The following NELL2 variants were observed in gnomAD, a reference collection of about 807,000 sequenced individuals.
NELL2 encodes neural EGFL like 2.
A neutral mutation model predicts 109.6 loss-of-function variants in NELL2; 41 were observed. The observed-to-expected ratio is 0.37, with a 90% CI of 0.29 to 0.49. NELL2 has a LOEUF of 0.49. Ranked by LOEUF, NELL2 falls within the 20% of genes least tolerant of loss-of-function variation. The pLI, the probability that NELL2 is intolerant of heterozygous loss-of-function variation, is 0.98. For synonymous variants in NELL2, 355 were observed against 344.7 expected (o/e 1.03, Z -0.33); for missense variants, 900 against 1,008.3 (o/e 0.89, Z 1.45).
chr12:44,577,034 GATTT>G (rs1944117144), intron 15 of NELL2, among the ~76,000 whole-genome samples: 1 of 137,704 alleles, frequency 7.3e-6, no homozygotes, highest in African/African-American at 2.9e-5. Flanking sequence ...ATAGCAGCAT[GATTT>G]ATAGTCCTTT....
At chr12:44,587,284 A>AAAAAAAAAAAAT in intron 15 of NELL2, among the ~76,000 whole-genome samples, 9 of 72,206 alleles carry the variant, frequency 1.2e-4, no homozygotes, top group African/African-American at 4.1e-4. Flanking sequence ...AAAAAAAAAA[A>AAAAAAAAAAAAT]ATATATATAT....
chr12:44,753,632 G>T (rs965289049), intron 9 of NELL2, among the ~76,000 whole-genome samples: 2 of 152,036 alleles, frequency 1.3e-5, no homozygotes, highest in Admixed American at 6.6e-5. Context: ...TTGTTTCAGG[G>T]AATAATAATC....
At chr12:44,614,995 GA>G (rs1417543274) in intron 13 of NELL2, among the ~76,000 whole-genome samples, 5 of 151,990 alleles carry the variant, frequency 3.3e-5, no homozygotes, top group African/African-American at 9.7e-5. Flanking sequence ...TTTAGTTTTG[GA>G]ATATTTGGGG....
At chr12:44,777,149 G>A (rs751257999) in intron 6 of NELL2, 25 bp from the exon 7 acceptor site, 3 of 1,612,912 alleles carry the variant, frequency 1.9e-6, no homozygotes, top group Non-Finnish European at 8.5e-7. Context: ...ACTACATTTG[G>A]TCAAGATGCA....
At chr12:44,624,396 T>C (rs1157242419) in intron 13 of NELL2, among the ~76,000 whole-genome samples, 2 of 152,142 alleles carry the variant, frequency 1.3e-5, no homozygotes, top group African/African-American at 4.8e-5. Context: ...CAATCAGCAA[T>C]GTCCTGCTCT....
intron 2 of NELL2, among the ~76,000 whole-genome samples, chr12:44,832,709 C>A (rs529102565): frequency 1.3e-5 from 2 of 152,288 alleles, no homozygotes; most frequent in African/African-American, 4.8e-5. Context: ...AGATAACAAC[C>A]ACAATGAACA....
chr12:44,800,798 T>C (rs1461555421), intron 3 of NELL2, among the ~76,000 whole-genome samples: 2 of 152,064 alleles, frequency 1.3e-5, no homozygotes, highest in African/African-American at 4.8e-5. Context: ...TGGGCAGCAA[T>C]AAAGGAAAAG....
chr12:44,592,580 G>A (rs1369035145), intron 15 of NELL2, among the ~76,000 whole-genome samples: 2 of 152,140 alleles, frequency 1.3e-5, no homozygotes, highest in Non-Finnish European at 1.5e-5. Flanking sequence ...AGGATAAAAA[G>A]AGAAACAGTC....
chr12:44,688,662 T>A (rs2136390546), intron 12 of NELL2, among the ~76,000 whole-genome samples: 1 of 152,340 alleles, frequency 6.6e-6, no homozygotes, highest in East Asian at 1.9e-4. Flanking sequence ...TGCGCTTGTT[T>A]GTCACAGATA....
intron 2 of NELL2, among the ~76,000 whole-genome samples, chr12:44,856,410 T>C (rs1279791158): frequency 6.6e-6 from 1 of 152,232 alleles, no homozygotes; most frequent in Non-Finnish European, 1.5e-5. Context: ...AAATAATAAG[T>C]GTTAGGGAAA....
At chr12:44,687,233 C>T (rs2084846) in intron 12 of NELL2, among the ~76,000 whole-genome samples, 8,989 of 151,110 alleles carry the variant, frequency 0.059, 883 homozygotes, top group African/African-American at 0.2. Context: ...TTGCGCTTCC[C>T]GAGTGAGGCA....
intron 15 of NELL2, among the ~76,000 whole-genome samples, chr12:44,589,411 T>C (rs12822940): frequency 0.16 from 24,757 of 150,536 alleles, 2,416 homozygotes; most frequent in East Asian, 0.27. Flanking sequence ...TTTATTTATT[T>C]GAGATGGAGT....
At chr12:44,557,611 G>A (rs1372000273) in intron 15 of NELL2, among the ~76,000 whole-genome samples, 3 of 152,184 alleles carry the variant, frequency 2.0e-5, no homozygotes, top group African/African-American at 7.2e-5. Context: ...GATCACTTTA[G>A]ACTACGTTGA....
At chr12:44,548,310 T>C (rs929015328) in intron 15 of NELL2, among the ~76,000 whole-genome samples, 1 of 151,972 alleles carries the variant, frequency 6.6e-6, no homozygotes, top group Non-Finnish European at 1.5e-5. Flanking sequence ...GTCTTTAAAA[T>C]TTTGGCCCAC....
At chr12:44,895,258 C>T (rs1477617871) in intron 1 of NELL2, among the ~76,000 whole-genome samples, 1 of 151,998 alleles carries the variant, frequency 6.6e-6, no homozygotes. Context: ...CAGCTCTGGT[C>T]AAATGATTAT....
intron 13 of NELL2, among the ~76,000 whole-genome samples, chr12:44,660,515 C>T (rs776083857): frequency 7.9e-5 from 12 of 152,166 alleles, no homozygotes; most frequent in Admixed American, 1.3e-4. Context: ...CAGTAGTAAC[C>T]GCTTCCCACA....
chr12:44,631,537 G>A (rs1163466496), intron 13 of NELL2, among the ~76,000 whole-genome samples: 3 of 152,008 alleles, frequency 2.0e-5, no homozygotes, highest in Non-Finnish European at 4.4e-5. Flanking sequence ...CTACTAGGGT[G>A]GGGACAGAAG....
Position 44,888,201 on chromosome 12 carries a change from G to C in NELL2, c.39-12301C>G, listed in dbSNP as rs114290357. The stretch of plus-strand genomic sequence containing the variant: ...CTTTGTTCCATTGGTCTATGTATCT[G>C]TTTTTATGCCAGTATCATGCTGATT... On this transcript the variant is annotated intron_variant, in intron 1 of 20. Transcript: ENST00000333837. Among the ~76,000 whole-genome samples the C allele has an allele frequency of 4.9e-3, 739 of 152,086 alleles. 18 individuals are homozygous for C. The highest frequency in any genetic ancestry group is 0.017 in the African/African-American group (689 of 41,396).
intron 12 of NELL2, among the ~76,000 whole-genome samples, chr12:44,695,975 C>A (rs548667948): frequency 6.6e-6 from 1 of 152,140 alleles, no homozygotes; most frequent in African/African-American, 2.4e-5. Context: ...CAGAGTGAGA[C>A]CCTGCCTCAA....
Sources: allele counts gnomAD v4.1 joint callset (sites outside exome capture counted in the v4.1 genomes callset), GRCh38; gene constraint gnomAD v4.1.1; transcripts MANE v1.5; gene names NCBI Gene and HGNC (gene_info 2026-07-23, HGNC 2026-07-21).